Variants in DGKE observed in about 807,000 individuals in gnomAD.
The protein encoded by DGKE is DAG kinase epsilon.
In DGKE, 53 loss-of-function variants were observed where a neutral mutation model predicts 70.0. That is an observed-to-expected ratio of 0.76 (90% CI 0.61 to 0.95). The LOEUF is 0.95. Ranked by LOEUF, DGKE falls within the 40% of genes least tolerant of loss-of-function variation. DGKE has a pLI of 0.00. For missense variants in DGKE, 655 were observed against 706.9 expected, an observed-to-expected ratio of 0.93 and a Z score of 0.83; for synonymous variants, 291 against 257.0, an observed-to-expected ratio of 1.13 and a Z score of -1.27.
rs1386446796 is a variant in DGKE at position 56,863,336 on chromosome 17, A to C, written c.*545A>C. 6.6e-6 allele frequency: 1 copy of C among 152,278 alleles called. No individual in the cohort carries two copies. Among genetic ancestry groups the C allele is most frequent in the Admixed American group, 6.5e-5 (1 of 15,292 alleles). The allele number at this position is 152,278 out of a possible 1,614,324, so 9.4% of individuals were successfully genotyped here. On this transcript the variant is annotated 3_prime_UTR_variant, in exon 12 of 12. Transcript: ENST00000284061. Reference sequence around the variant, plus strand: ...TTCTAGGAACCCCCAAAAGGAGAATAGTAAAAAAAGATCATACTTAAAATT... The same window carrying C: ...TTCTAGGAACCCCCAAAAGGAGAATCGTAAAAAAAGATCATACTTAAAATT...
intron 8 of DGKE, among the ~76,000 whole-genome samples, chr17:56,857,034 G>T (rs1907993587): frequency 6.6e-6 from 1 of 152,136 alleles, no homozygotes; most frequent in Non-Finnish European, 1.5e-5. Context: ...GGAGGCAAAA[G>T]TTGCAGTGAG....
At position 56,864,409 on chromosome 17, in the gene DGKE, A is replaced by C. The variant is rs559462617; in HGVS notation, c.*1618A>C. 1.3e-5 allele frequency: 2 copies of C among 152,378 alleles called. No homozygotes were observed. Among genetic ancestry groups the C allele is most frequent in the South Asian group, 4.1e-4 (2 of 4,830 alleles). The allele number at this position is 152,378 out of a possible 1,614,324, so 9.4% of individuals were successfully genotyped here. On this transcript the variant is annotated 3_prime_UTR_variant, in exon 12 of 12. Transcript: ENST00000284061. ...AGACCATGTTTTCAAAGAGCAACTT[A>C]GTAATGTATACAGTAGTCAGTACAT...
chr17:56,850,534 GAA>G (rs1471838052), intron 7 of DGKE, among the ~76,000 whole-genome samples: 1 of 152,096 alleles, frequency 6.6e-6, no homozygotes, highest in Admixed American at 6.5e-5. Context: ...AGAAAACAGA[GAA>G]AGAGAATTAC....
chr17:56,843,937 T>G, intron 2 of DGKE, 82 bp from the exon 3 acceptor site: 2 of 1,353,294 alleles, frequency 1.5e-6, no homozygotes, highest in East Asian at 2.7e-5. Context: ...TGTTTTATTT[T>G]TTAACAAAAA....
intron 2 of DGKE, chr17:56,836,308 A>C (rs979209954): frequency 6.6e-6 from 1 of 152,232 alleles, no homozygotes; most frequent in African/African-American, 2.4e-5. Flanking sequence ...CACATTATCA[A>C]AGAGGCTTAA....
Position 56,835,243 on chromosome 17 carries a change from A to G in DGKE, c.448A>G (p.Lys150Glu). ...VCKQQCGCQP[K>E]LCDYRCIWCQ... ...CAAGCAGCAGTGTGGCTGTCAACCC[A>G]AGCTTTGCGATTACAGGTATGGTCT... Residue 150 changes from lysine to glutamate, a missense_variant, in exon 2 of 12, where the codon AAG becomes GAG. Coordinates refer to ENST00000284061, the MANE Select transcript of DGKE (RefSeq NM_003647.3). 6.2e-7 allele frequency: 1 copy of G among 1,610,956 alleles called. No homozygotes were observed. The highest frequency in any genetic ancestry group is 8.5e-7 in the Non-Finnish European group (1 of 1,179,128).
chr17:56,841,472 A>G (rs896024113), intron 2 of DGKE, among the ~76,000 whole-genome samples: 1 of 152,194 alleles, frequency 6.6e-6, no homozygotes, highest in African/African-American at 2.4e-5. Context: ...ATGAATATGG[A>G]ACATGACTGA....
chr17:56,837,114 A>G (rs1906675990), intron 2 of DGKE, among the ~76,000 whole-genome samples: 1 of 152,234 alleles, frequency 6.6e-6, no homozygotes, highest in African/African-American at 2.4e-5. Context: ...TGCAAATTCT[A>G]GGGTTGCTAG....
At position 56,858,659 on chromosome 17, in the gene DGKE, A is replaced by C. The variant is rs768067588; in HGVS notation, c.1278A>C (p.Lys426Asn). The change falls in exon 9 of 12, where the codon AAA becomes AAC. Residue 426 changes from lysine to asparagine, a missense_variant. Transcript: ENST00000284061. Reference protein sequence around the residue: ...LVQECKDLNKKVELELDGERV... With the variant: ...LVQECKDLNKNVELELDGERV... ...AAGAATGTAAAGATTTGAATAAAAA[A>C]GTTGAGGTAAGCTATTAACACTTTT... The C allele has an allele frequency of 1.2e-6, 2 of 1,601,528 alleles. No homozygotes were observed. The highest frequency in any genetic ancestry group is 1.7e-6 in the Non-Finnish European group (2 of 1,174,202).
chr17:56,851,803 A>G (rs1415068380), intron 7 of DGKE, among the ~76,000 whole-genome samples: 3 of 152,268 alleles, frequency 2.0e-5, no homozygotes, highest in African/African-American at 7.2e-5. Flanking sequence ...ACAGGGTTCT[A>G]TAAAAGGAAC....
chr17:56,841,497 G>A (rs1368093838), intron 2 of DGKE, among the ~76,000 whole-genome samples: 1 of 152,084 alleles, frequency 6.6e-6, no homozygotes, highest in Non-Finnish European at 1.5e-5. Context: ...ACAAAAGGGG[G>A]CTGAAAAACT....
chr17:56,852,588 T>C (rs902925699), intron 7 of DGKE, among the ~76,000 whole-genome samples: 3 of 148,152 alleles, frequency 2.0e-5, no homozygotes, highest in Non-Finnish European at 4.5e-5. Flanking sequence ...CTTATTAAAG[T>C]GGATTGCTTT....
At chr17:56,834,756 C>G (rs755824151) in intron 1 of DGKE, 22 bp from the exon 2 acceptor site, 2 of 1,541,120 alleles carry the variant, frequency 1.3e-6, no homozygotes. Context: ...CGGGGTGCAC[C>G]GCCTGTTTCT....
At chr17:56,850,345 C>T (rs988365622) in intron 7 of DGKE, among the ~76,000 whole-genome samples, 1 of 151,982 alleles carries the variant, frequency 6.6e-6, no homozygotes, top group African/African-American at 2.4e-5. Flanking sequence ...ATTGTCCAGG[C>T]TGGTCTCGAA....
At chr17:56,851,797 G>A (rs554713032) in intron 7 of DGKE, among the ~76,000 whole-genome samples, 9 of 152,154 alleles carry the variant, frequency 5.9e-5, no homozygotes, top group Middle Eastern at 3.4e-3. Flanking sequence ...AATAGAACAG[G>A]GTTCTATAAA....
chr17:56,836,176 TAGGC>T (rs1690159281), intron 2 of DGKE: 1 of 149,896 alleles, frequency 6.7e-6, no homozygotes, highest in African/African-American at 2.5e-5. Flanking sequence ...AGAAATGAAA[TAGGC>T]AGTAAATAGG....
At position 56,868,868 on chromosome 17, in the gene DGKE, A is replaced by G. The variant is rs1908637626; in HGVS notation, c.*6077A>G. On this transcript the variant is annotated 3_prime_UTR_variant, in exon 12 of 12. Coordinates refer to ENST00000284061, the MANE Select transcript of DGKE (RefSeq NM_003647.3). ...TTGTAGCCTAAGAGCACAGAATCAT[A>G]CACGTGTGTTAGGAGAAACATTCAT... 1 of 152,260 alleles carries G rather than the reference A, an allele frequency of 6.6e-6. No individual in the cohort carries two copies. The highest frequency in any genetic ancestry group is 2.1e-4 in the South Asian group (1 of 4,838). The allele number at this position is 152,260 out of a possible 1,614,324, so 9.4% of individuals were successfully genotyped here. A position where few individuals can be genotyped will look rare whatever the true frequency, so the allele number is the denominator to read the frequency against.
chr17:56,855,931 G>A (rs141502407), intron 7 of DGKE, among the ~76,000 whole-genome samples: 19 of 151,598 alleles, frequency 1.3e-4, no homozygotes, highest in African/African-American at 3.4e-4. Flanking sequence ...GCTTGAACCC[G>A]GGAGGCAGAG....
intron 2 of DGKE, among the ~76,000 whole-genome samples, chr17:56,839,398 G>A (rs1168604467): frequency 6.6e-6 from 1 of 152,206 alleles, no homozygotes; most frequent in Non-Finnish European, 1.5e-5. Flanking sequence ...TATCTTCCCA[G>A]TGAGTTTGAA....
Sources: gnomAD v4.1 joint callset for allele counts (sites outside exome capture counted in the v4.1 genomes callset) on GRCh38, gnomAD v4.1.1 for gene constraint, MANE v1.5 for transcripts, NCBI Gene and HGNC (gene_info 2026-07-23, HGNC 2026-07-21) for gene names.